The following JAKMIP3 variants were observed in gnomAD, a reference collection of about 807,000 sequenced individuals.
JAKMIP3 encodes the protein janus kinase and microtubule-interacting protein 3.
Under a neutral mutation model 118.5 loss-of-function variants are expected in JAKMIP3, and 58 were observed. The observed-to-expected ratio is 0.49, with a 90% CI of 0.40 to 0.61. JAKMIP3 has a LOEUF of 0.61. Ranked by LOEUF, JAKMIP3 falls within the 20% of genes least tolerant of loss-of-function variation. The pLI, the probability that JAKMIP3 is intolerant of heterozygous loss-of-function variation, is 0.00. For synonymous variants in JAKMIP3, 486 were observed against 451.2 expected (o/e 1.08, Z -0.98); for missense variants, 950 against 1,109.0 (o/e 0.86, Z 2.04).
chr10:132,044,298 C>T lies in JAKMIP3; in HGVS notation c.-138+7560C>T, dbSNP rs997534558. On this transcript the variant is annotated intron_variant, in intron 1 of 23. Transcript: ENST00000657785. This position sits in a 1 kb window ranked among gnomAD's most constrained non-coding sequence, Gnocchi z 5.3. ...ACCTCCCTGGGGTGAGTAGTCAACA[C>T]AGACACAGTCCCTGCCTGCTGGGAG... Among the ~76,000 whole-genome samples, 1 of 152,210 alleles carries T rather than the reference C, an allele frequency of 6.6e-6. No homozygotes were observed. Among genetic ancestry groups the T allele is most frequent in the Non-Finnish European group, 1.5e-5 (1 of 68,032 alleles).
rs1564866114 is a variant in JAKMIP3, at chr10:132,071,840, C to CTTT, written c.-138+5779_-138+5780insTTT. Among the ~76,000 whole-genome samples the CTTT allele has an allele frequency of 2.7e-3, 382 of 143,572 alleles. 2 individuals carry two copies. Among genetic ancestry groups the CTTT allele is most frequent in the African/African-American group, 9.3e-3 (343 of 36,854 alleles). 94.2% of individuals were successfully genotyped at this position (143,572 alleles called of 152,430 possible). ...TTCTTTTCTTTCCTTTCTTCCCTTTCCTTTCTTTCTTTCCTTTCTTTCCTT... is the reference window on the plus strand; with the variant it reads ...TTCTTTTCTTTCCTTTCTTCCCTTTCTTTCTTTCTTTCTTTCCTTTCTTTCCTT... On this transcript the variant is annotated intron_variant, in intron 1 of 23. Transcript: ENST00000684848.
Position 132,143,148 on chromosome 10 carries a change from G to C in JAKMIP3, c.1602+1100G>C, listed in dbSNP as rs11146211. On this transcript the variant is annotated intron_variant, in intron 11 of 23. Coordinates refer to ENST00000684848, the MANE Select transcript of JAKMIP3 (RefSeq NM_001323087.2). Reference sequence around the variant, plus strand: ...CCCTCCTCCTGTCCTGAGTCGGGGTGGGGGGGGCTGGCCTTGGAGGGGGCG... The same window carrying C: ...CCCTCCTCCTGTCCTGAGTCGGGGTCGGGGGGGCTGGCCTTGGAGGGGGCG... Among the ~76,000 whole-genome samples, 6 of 149,862 alleles carry C rather than the reference G, an allele frequency of 4.0e-5. No homozygotes were observed. In the South Asian group the frequency reaches 1.3e-3, roughly 31 times the overall value.
At chr10:132,047,781 G>A (rs1297895227) in intron 1 of JAKMIP3, among the ~76,000 whole-genome samples, 2 of 69,878 alleles carry the variant, frequency 2.9e-5, no homozygotes, top group Admixed American at 3.4e-4. Flanking sequence ...CCCACGCCCC[G>A]CCCTCTGCGA....
intron 1 of JAKMIP3, among the ~76,000 whole-genome samples, chr10:132,101,375 C>G (rs2379225): frequency 0.17 from 25,787 of 151,978 alleles, 2,301 homozygotes; most frequent in East Asian, 0.2. Flanking sequence ...GAAGTCTCCC[C>G]GAAACAAAAT....
chr10:132,172,977 TTCC>T (rs2059662081), intron 23 of JAKMIP3, among the ~76,000 whole-genome samples: 1 of 51,982 alleles, frequency 1.9e-5, no homozygotes, highest in Non-Finnish European at 3.6e-5. Flanking sequence ...CTCTCTCTCC[TTCC>T]CTCTCTCTCT....
In JAKMIP3 at chr10:132,124,606, C is replaced by T. The variant is rs992688939; in HGVS notation, c.633+7032C>T. 1.9e-4 allele frequency among the ~76,000 whole-genome samples: 29 copies of T among 151,902 alleles called. 1 individual carries two copies. The highest frequency in any genetic ancestry group is 1.3e-3 in the Admixed American group (20 of 15,264). ...CTGTCCCACCCCGGCACATCACAGC[C>T]GAGCCAGCCAGCTGTGCTACACATG... On this transcript the variant is annotated intron_variant, in intron 3 of 23. Transcript: ENST00000684848.
At chr10:132,180,554 C>CGTGTGTGT (rs1565018276) in intron 23 of JAKMIP3, among the ~76,000 whole-genome samples, 3 of 4,330 alleles carry the variant, frequency 6.9e-4, no homozygotes, top group Admixed American at 3.0e-3. Context: ...TGCGTGCGTG[C>CGTGTGTGT]ATGCGTGTGT....
chr10:132,123,168 C>G (rs1564925796), intron 3 of JAKMIP3, among the ~76,000 whole-genome samples: 1 of 152,150 alleles, frequency 6.6e-6, no homozygotes, highest in Non-Finnish European at 1.5e-5. Context: ...TGACCAGTGC[C>G]CCATCCTGTC....
rs1317265240 is a variant in JAKMIP3 at position 132,179,131 on chromosome 10, G to A, written c.*1104-3226G>A. ...TGCCGCCCTTGGCACTGTCCAATGAGCCAAGTTCATGATTGTGGTTGTCAA... is the reference window on the plus strand; with the variant it reads ...TGCCGCCCTTGGCACTGTCCAATGAACCAAGTTCATGATTGTGGTTGTCAA... On this transcript the variant is annotated intron_variant, in intron 23 of 23. Coordinates refer to ENST00000684848, the MANE Select transcript of JAKMIP3 (RefSeq NM_001323087.2). The surrounding 1 kb of genome is among the most constrained non-coding windows in gnomAD (Gnocchi z 4.3). 6.6e-6 allele frequency among the ~76,000 whole-genome samples: 1 copy of A among 152,212 alleles called. No individual in the cohort carries two copies. The highest frequency in any genetic ancestry group is 1.5e-5 in the Non-Finnish European group (1 of 68,036).
Position 132,147,893 on chromosome 10 carries a change from C to G in JAKMIP3, c.1750-59C>G, listed in dbSNP as rs1056593214. On this transcript the variant is annotated intron_variant, in intron 13 of 23. Coordinates refer to ENST00000684848, the MANE Select transcript of JAKMIP3 (RefSeq NM_001323087.2). ...GTCCCGTCAGCCTGGAGTTGACCTC[C>G]CAAGACCTCTGGTGAGAGAGAACCA... is the stretch of plus-strand genomic sequence containing the variant. The G allele has an allele frequency of 7.6e-6, 10 of 1,313,806 alleles. No homozygotes were observed. In the Admixed American group the frequency reaches 2.1e-4, roughly 27 times the overall value. 81.4% of individuals were successfully genotyped at this position (1,313,806 alleles called of 1,614,324 possible).
chr10:132,154,088 G>T, intron 19 of JAKMIP3, 98 bp downstream of exon 19: 1 of 1,117,980 alleles, frequency 8.9e-7, no homozygotes, highest in Non-Finnish European at 1.3e-6. Flanking sequence ...GCCCATGTGG[G>T]CCAGGTCGCA....
At chr10:132,164,125 C>T (rs929140174) in intron 20 of JAKMIP3, among the ~76,000 whole-genome samples, 1 of 152,308 alleles carries the variant, frequency 6.6e-6, no homozygotes, top group South Asian at 2.1e-4. Context: ...CTGTGGGCAT[C>T]GGTGGGTTAA....
At chr10:132,107,234 C>G (rs1302432188) in intron 2 of JAKMIP3, among the ~76,000 whole-genome samples, 2 of 152,176 alleles carry the variant, frequency 1.3e-5, no homozygotes, top group African/African-American at 4.8e-5. Context: ...ATGTGGACAT[C>G]CCCAGGTTTA....
chr10:132,057,954 A>G (rs910320855), intron 1 of JAKMIP3, among the ~76,000 whole-genome samples: 1 of 152,216 alleles, frequency 6.6e-6, no homozygotes, highest in Non-Finnish European at 1.5e-5. Context: ...TGACACTCAA[A>G]CAGGAGAGTC....
Position 132,049,070 on chromosome 10 carries a change from G to A in JAKMIP3, c.-138+12332G>A, listed in dbSNP as rs1357986985. Among the ~76,000 whole-genome samples the A allele has an allele frequency of 1.1e-4, 16 of 151,910 alleles. No individual in the cohort carries two copies. Among genetic ancestry groups the A allele is most frequent in the South Asian group, 2.1e-4 (1 of 4,816 alleles). On this transcript the variant is annotated intron_variant, in intron 1 of 23. Transcript: ENST00000657785. This position sits in a 1 kb window ranked among gnomAD's most constrained non-coding sequence, Gnocchi z 4.3. ...TGAAAGCCTGCTGCTGGTCCCGGCC[G>A]ACTCCATCAAGTTAATTGACCTTTT...
chr10:132,145,523 G>T lies in JAKMIP3; in HGVS notation c.1692G>T (p.Met564Ile), dbSNP rs557044847. The change falls in exon 13 of 24, where the codon ATG becomes ATT. Residue 564 changes from methionine to isoleucine, a missense_variant. Physicochemically the swap from Met to Ile is conservative, Grantham distance 10 (BLOSUM62 1). Coordinates refer to ENST00000684848, the MANE Select transcript of JAKMIP3 (RefSeq NM_001323087.2). ...CTTTCAATTCCATTTGCAAGGATAT[G>T]AAGTGGATTGAAGAGAAGCAGGCAC... The part of the protein sequence containing the change: ...EKALAEQGQD[M>I]KWIEEKQALY... 5.8e-6 allele frequency: 9 copies of T among 1,558,956 alleles called. No individual in the cohort carries two copies. The Admixed American group carries it at 5.8e-5, about 10-fold the overall frequency.
At chr10:132,108,978 C>T (rs112732128) in intron 2 of JAKMIP3, among the ~76,000 whole-genome samples, 3 of 147,400 alleles carry the variant, frequency 2.0e-5, no homozygotes, top group Non-Finnish European at 3.0e-5. Flanking sequence ...AAATTATATA[C>T]GCAAATGTAT....
intron 23 of JAKMIP3, among the ~76,000 whole-genome samples, chr10:132,182,133 C>G (rs376476298): frequency 6.6e-6 from 1 of 152,068 alleles, no homozygotes; most frequent in African/African-American, 2.4e-5. Context: ...GAGAGTGTGG[C>G]CTTCGGTGGG....
intron 2 of JAKMIP3, among the ~76,000 whole-genome samples, chr10:132,105,769 G>A (rs2045804660): frequency 6.6e-6 from 1 of 152,220 alleles, no homozygotes; most frequent in African/African-American, 2.4e-5. Context: ...TGGGAACGAA[G>A]GCAGGTGCCT....
Sources: gnomAD v4.1 joint callset for allele counts (sites outside exome capture counted in the v4.1 genomes callset) on GRCh38, gnomAD v4.1.1 for gene constraint, Gnocchi (gnomAD v3.1) non-coding constraint, MANE v1.5 for transcripts, NCBI Gene and HGNC (gene_info 2026-07-23, HGNC 2026-07-21) for gene names.